The following DUSP13B variants were observed in gnomAD, a reference collection of about 807,000 sequenced individuals.
DUSP13B encodes the protein dual specificity protein phosphatase 13B.
the DUSP13B span, chr10:75,107,903 G>T: frequency 2.1e-6 from 3 of 1,405,106 alleles, no homozygotes; most frequent in Non-Finnish European, 1.9e-6. Flanking sequence ...AAAAAGCAGG[G>T]ATGGGAGGGC....
At chr10:75,096,607 G>A in the DUSP13B span, among the ~76,000 whole-genome samples, 1 of 151,700 alleles carries the variant, frequency 6.6e-6, no homozygotes, top group Admixed American at 6.6e-5. Flanking sequence ...AAATTAGCTA[G>A]GTGTGGTTGT....
the DUSP13B span, among the ~76,000 whole-genome samples, chr10:75,102,986 A>G: frequency 6.6e-6 from 1 of 151,796 alleles, no homozygotes; most frequent in African/African-American, 2.4e-5. Flanking sequence ...GGTGGCACAC[A>G]CTTATAGTCC....
At chr10:75,096,971 A>T in the DUSP13B span, among the ~76,000 whole-genome samples, 2 of 152,216 alleles carry the variant, frequency 1.3e-5, no homozygotes, top group Non-Finnish European at 2.9e-5. Context: ...AACACACACA[A>T]CATGATTCCA....
At chr10:75,101,780 C>T in the DUSP13B span, 1 of 946,258 alleles carries the variant, frequency 1.1e-6, no homozygotes, top group South Asian at 1.3e-5. Context: ...CACCCCTCCC[C>T]ACACAGGCAC....
At chr10:75,104,256 G>GGTA in the DUSP13B span, among the ~76,000 whole-genome samples, 1 of 152,180 alleles carries the variant, frequency 6.6e-6, no homozygotes, top group East Asian at 1.9e-4. Flanking sequence ...GAGATGAGGA[G>GGTA]GTAGATTTGG....
the DUSP13B span, among the ~76,000 whole-genome samples, chr10:75,100,387 G>C: frequency 6.6e-6 from 1 of 152,254 alleles, no homozygotes; most frequent in South Asian, 2.1e-4. Flanking sequence ...CTGGGACCCA[G>C]CCCATCCCAT....
the DUSP13B span, chr10:75,108,361 C>T: frequency 7.3e-7 from 1 of 1,372,198 alleles, no homozygotes; most frequent in African/African-American, 1.5e-5. Context: ...ACTCCACAGC[C>T]CTATACCCAG....
the DUSP13B span, among the ~76,000 whole-genome samples, chr10:75,100,419 A>G: frequency 1.1e-4 from 16 of 151,340 alleles, no homozygotes; most frequent in African/African-American, 3.4e-4. Flanking sequence ...AGGCCCGGCC[A>G]CCCCCCCAGG....
chr10:75,098,032 T>C, the DUSP13B span: 3 of 686,734 alleles, frequency 4.4e-6, no homozygotes, highest in Non-Finnish European at 6.9e-6. Flanking sequence ...ATTAACAAGC[T>C]CAGCTGGGGC....
the DUSP13B span, chr10:75,099,122 T>C: frequency 8.1e-7 from 1 of 1,232,284 alleles, no homozygotes; most frequent in Non-Finnish European, 1.0e-6. Context: ...TCAGGGACCC[T>C]GCGGAGCTGG....
At chr10:75,095,440 C>T in the DUSP13B span, 1 of 753,678 alleles carries the variant, frequency 1.3e-6, no homozygotes, top group South Asian at 1.7e-5. Context: ...ATGGTAGTAG[C>T]TATTTTCCCT....
the DUSP13B span, chr10:75,097,949 G>A: frequency 5.5e-6 from 8 of 1,453,626 alleles, no homozygotes; most frequent in South Asian, 1.1e-4. Context: ...CCAGCTGATG[G>A]GGAAGCCCAT....
the DUSP13B span, among the ~76,000 whole-genome samples, chr10:75,104,733 AC>A: frequency 2.6e-5 from 4 of 151,668 alleles, no homozygotes; most frequent in Non-Finnish European, 5.9e-5. Context: ...TATCACAGTC[AC>A]CCCCAAACTC....
the DUSP13B span, chr10:75,102,048 T>G: frequency 9.8e-7 from 1 of 1,022,808 alleles, no homozygotes; most frequent in Non-Finnish European, 1.4e-6. Context: ...TGTCCACTGG[T>G]TCCATGGCAT....
At chr10:75,105,908 C>A in the DUSP13B span, 5 of 1,530,646 alleles carry the variant, frequency 3.3e-6, no homozygotes, top group Non-Finnish European at 4.4e-6. Context: ...GTCCCACACA[C>A]CGGCCCACCC....
the DUSP13B span, chr10:75,095,679 A>T: frequency 6.2e-7 from 1 of 1,614,238 alleles, no homozygotes; most frequent in Non-Finnish European, 8.5e-7. Flanking sequence ...ATAGTACTCC[A>T]GGGACATTCC....
the DUSP13B span, among the ~76,000 whole-genome samples, chr10:75,100,960 A>G: frequency 6.6e-6 from 1 of 152,246 alleles, no homozygotes; most frequent in African/African-American, 2.4e-5. Flanking sequence ...TCTCAGCTGC[A>G]GTTTCAGATA....
chr10:75,103,934 G>T, the DUSP13B span: 4 of 1,317,700 alleles, frequency 3.0e-6, no homozygotes, highest in Non-Finnish European at 4.0e-6. Context: ...GGGTGTAGGC[G>T]CCAGGAGGAG....
At chr10:75,104,728 C>T in the DUSP13B span, among the ~76,000 whole-genome samples, 1 of 152,172 alleles carries the variant, frequency 6.6e-6, no homozygotes, top group African/African-American at 2.4e-5. Context: ...TTTCTTATCA[C>T]AGTCACCCCC....
Sources: gnomAD v4.1 joint callset for allele counts (sites outside exome capture counted in the v4.1 genomes callset) on GRCh38, gnomAD v4.1.1 for gene constraint, MANE v1.5 for transcripts, NCBI Gene and HGNC (gene_info 2026-07-23, HGNC 2026-07-21) for gene names.